Variants in STON1 observed in about 807,000 individuals in gnomAD.
The protein encoded by STON1 is stonin 1.
In STON1, 79 loss-of-function variants were observed where a neutral mutation model predicts 60.9. The ratio of observed to expected loss-of-function variants is 1.30; its 90% CI spans 1.08 to 1.56. The LOEUF is 1.56. Ranked by LOEUF, STON1 falls within the 40% of genes most tolerant of loss-of-function variation. The pLI is 0.00. For synonymous variants in STON1, 363 were observed against 306.9 expected (o/e 1.18, Z -1.91); for missense variants, 1,166 against 858.9 (o/e 1.36, Z -4.47).
chr2:48,544,224 A>G (rs1443767747), intron 1 of STON1, among the ~76,000 whole-genome samples: 4 of 151,942 alleles, frequency 2.6e-5, no homozygotes, highest in African/African-American at 9.7e-5. Context: ...ACCTCTGATC[A>G]TGACTTCTTA....
chr2:48,537,934 G>A (rs1671497721), intron 1 of STON1, among the ~76,000 whole-genome samples: 1 of 151,052 alleles, frequency 6.6e-6, no homozygotes, highest in Non-Finnish European at 1.5e-5. Context: ...GCCCTATAAA[G>A]TAATCATAAG....
intron 2 of STON1, among the ~76,000 whole-genome samples, chr2:48,591,114 G>A (rs901211280): frequency 4.0e-5 from 6 of 151,352 alleles, no homozygotes; most frequent in Admixed American, 2.0e-4. Context: ...AAATAATTAT[G>A]TTTAATATAA....
At chr2:48,592,929 T>C (rs1372197812) in intron 3 of STON1, among the ~76,000 whole-genome samples, 1 of 150,928 alleles carries the variant, frequency 6.6e-6, no homozygotes, top group Non-Finnish European at 1.5e-5. Context: ...ATTATGGTAG[T>C]TTTAAATGTT....
chr2:48,549,849 A>G (rs1405176721), intron 1 of STON1, among the ~76,000 whole-genome samples: 1 of 140,040 alleles, frequency 7.1e-6, no homozygotes, highest in African/African-American at 2.6e-5. Flanking sequence ...AAGAAAAAGC[A>G]GCCTAGGTCC....
intron 1 of STON1, among the ~76,000 whole-genome samples, chr2:48,563,982 A>G (rs1672720667): frequency 1.3e-5 from 2 of 148,780 alleles, no homozygotes; most frequent in South Asian, 4.3e-4. Flanking sequence ...TACAGGTGTG[A>G]GCCACCACGC....
At chr2:48,546,139 G>C (rs1671855910) in intron 1 of STON1, among the ~76,000 whole-genome samples, 1 of 152,092 alleles carries the variant, frequency 6.6e-6, no homozygotes, top group Non-Finnish European at 1.5e-5. Flanking sequence ...GCCATCTTCC[G>C]GTCTGTCCTT....
intron 1 of STON1, among the ~76,000 whole-genome samples, chr2:48,540,292 G>A (rs574703956): frequency 6.6e-6 from 1 of 152,156 alleles, no homozygotes; most frequent in Non-Finnish European, 1.5e-5. Context: ...CCTTGTTACA[G>A]TTTTTGTTGT....
chr2:48,582,753 T>C (rs1673970760), intron 2 of STON1, among the ~76,000 whole-genome samples, 190 bp downstream of exon 2: 1 of 152,212 alleles, frequency 6.6e-6, no homozygotes, highest in Admixed American at 6.5e-5. Context: ...TTCTACCAGA[T>C]AAGTTTAACT....
rs758294177 is a variant in STON1, at chr2:48,582,103, T to C, written c.1470T>C (p.Cys490=). The change falls in exon 2 of 4, where the codon TGT becomes TGC. Residue 490 remains cysteine (C), a synonymous_variant. Coordinates refer to ENST00000404752, the MANE Select transcript of STON1 (RefSeq NM_006873.4). ...TTCTTGACTACCATTTTCATAAGTG[T>C]GTGAATGTACAAGAATTTGAGCAAT... ...IDILDYHFHK[C]VNVQEFEQSR... 1.2e-6 allele frequency: 2 copies of C among 1,614,182 alleles called. No homozygotes were observed. The highest frequency in any genetic ancestry group is 2.2e-5 in the South Asian group (2 of 91,084).
intron 1 of STON1, among the ~76,000 whole-genome samples, chr2:48,553,071 C>A (rs576183144): frequency 6.6e-6 from 1 of 152,226 alleles, no homozygotes; most frequent in African/African-American, 2.4e-5. Flanking sequence ...CAGACTCTGA[C>A]AAGTCAGAAA....
At chr2:48,593,757 A>G (rs1019515441) in intron 3 of STON1, among the ~76,000 whole-genome samples, 5 of 152,170 alleles carry the variant, frequency 3.3e-5, no homozygotes, top group African/African-American at 1.2e-4. Flanking sequence ...TGGGTTTCCT[A>G]TACTATAGTA....
At chr2:48,584,947 A>C (rs150439334) in intron 2 of STON1, among the ~76,000 whole-genome samples, 5 of 152,260 alleles carry the variant, frequency 3.3e-5, no homozygotes, top group African/African-American at 9.6e-5. Flanking sequence ...TAGTGAGCTG[A>C]GGAGCTCCAG....
In STON1 at chr2:48,580,807, C is replaced by T. The variant is rs753806346; in HGVS notation, c.174C>T (p.Ser58=). Residue 58 remains serine (S), a synonymous_variant, in exon 2 of 4, where the codon AGC becomes AGT. Coordinates refer to ENST00000404752, the MANE Select transcript of STON1 (RefSeq NM_006873.4). ...REFPSGSSST[S]STPLSSPIVD... ...TTCCCAGTGGATCTTCCTCCACCAG[C>T]AGCACTCCTCTCTCCTCCCCCATTG... 8.4e-6 allele frequency: 13 copies of T among 1,550,852 alleles called. No homozygotes were observed. Among genetic ancestry groups the T allele is most frequent in the South Asian group, 1.3e-5 (1 of 78,980 alleles).
chr2:48,561,822 T>G (rs1249996119), intron 1 of STON1, among the ~76,000 whole-genome samples: 1 of 152,178 alleles, frequency 6.6e-6, no homozygotes, highest in African/African-American at 2.4e-5. Context: ...GTTTTCACCT[T>G]TCAGTCGTCA....
chr2:48,569,745 A>G (rs142808723), intron 1 of STON1, among the ~76,000 whole-genome samples: 3 of 152,292 alleles, frequency 2.0e-5, no homozygotes, highest in African/African-American at 7.2e-5. Context: ...GTTGCAAGTA[A>G]TTTGCAATAT....
chr2:48,542,045 G>A (rs558519156), intron 1 of STON1, among the ~76,000 whole-genome samples: 1 of 152,284 alleles, frequency 6.6e-6, no homozygotes, highest in South Asian at 2.1e-4. Context: ...GAAAAAACAT[G>A]TGGAAAAGTT....
At chr2:48,555,380 T>A in intron 1 of STON1, among the ~76,000 whole-genome samples, 1 of 39,562 alleles carries the variant, frequency 2.5e-5, no homozygotes, top group Non-Finnish European at 5.2e-5. Context: ...GGCTCCTCAC[T>A]TCCCAGTAGG....
chr2:48,545,379 A>G (rs888307557), intron 1 of STON1, among the ~76,000 whole-genome samples: 3 of 152,174 alleles, frequency 2.0e-5, no homozygotes, highest in Non-Finnish European at 2.9e-5. Flanking sequence ...TCTCTGCCAG[A>G]TGTTCTGACT....
At chr2:48,550,246 C>T (rs1466887783) in intron 1 of STON1, among the ~76,000 whole-genome samples, 2 of 151,738 alleles carry the variant, frequency 1.3e-5, no homozygotes, top group Non-Finnish European at 2.9e-5. Flanking sequence ...GCTTGTATTC[C>T]CAGCACTTTG....
Sources: gnomAD v4.1 joint callset for allele counts (sites outside exome capture counted in the v4.1 genomes callset) on GRCh38, gnomAD v4.1.1 for gene constraint, MANE v1.5 for transcripts, NCBI Gene and HGNC (gene_info 2026-07-23, HGNC 2026-07-21) for gene names.